Variants in AKT3 observed in about 807,000 individuals in gnomAD.
The protein encoded by AKT3 is AKT serine/threonine kinase 3, also known as RAC-gamma serine/threonine-protein kinase.
Under a neutral mutation model 65.3 loss-of-function variants are expected in AKT3, and 15 were observed. The ratio of observed to expected loss-of-function variants is 0.23; its 90% CI spans 0.15 to 0.35. The LOEUF is 0.35. Ranked by LOEUF, AKT3 falls within the 10% of genes least tolerant of loss-of-function variation. The probability of loss-of-function intolerance (pLI) is 1.00; values close to 1 mark genes in which losing one functional copy is unlikely to be tolerated. For synonymous variants in AKT3, 206 were observed against 183.8 expected, an observed-to-expected ratio of 1.12 and a Z score of -0.98; for missense variants, 243 against 576.5, an observed-to-expected ratio of 0.42 and a Z score of 5.92.
intron 2 of AKT3, among the ~76,000 whole-genome samples, chr1:243,775,476 G>A (rs953169976): frequency 1.3e-5 from 2 of 152,116 alleles, no homozygotes; most frequent in Non-Finnish European, 2.9e-5. Flanking sequence ...CACTGCGCCC[G>A]GCCAGTTCTA....
chr1:243,780,973 GT>G (rs1438946424), intron 2 of AKT3, among the ~76,000 whole-genome samples: 1 of 151,926 alleles, frequency 6.6e-6, no homozygotes, highest in Non-Finnish European at 1.5e-5. Context: ...CACCAAAAAT[GT>G]TTTAAATTTG....
At chr1:243,701,523 T>G (rs951439680) in intron 2 of AKT3, among the ~76,000 whole-genome samples, 15 of 152,084 alleles carry the variant, frequency 9.9e-5, no homozygotes, top group Non-Finnish European at 2.2e-4. Context: ...ACAATCCAAT[T>G]GAAAAGAAAT....
intron 2 of AKT3, among the ~76,000 whole-genome samples, chr1:243,759,550 G>GAA (rs201086316): frequency 6.9e-6 from 1 of 145,426 alleles, no homozygotes; most frequent in Non-Finnish European, 1.5e-5. Context: ...GAATTAAAAA[G>GAA]AAAAAAAAAA....
intron 2 of AKT3, among the ~76,000 whole-genome samples, chr1:243,713,186 A>T (rs992905910): frequency 6.6e-6 from 1 of 152,204 alleles, no homozygotes; most frequent in Non-Finnish European, 1.5e-5. Flanking sequence ...CACCTGACTG[A>T]TTCCTTCATC....
intron 4 of AKT3, among the ~76,000 whole-genome samples, chr1:243,660,510 A>G (rs924426465): frequency 2.2e-4 from 33 of 152,246 alleles, no homozygotes; most frequent in African/African-American, 6.7e-4. Flanking sequence ...AAATTCAACA[A>G]CCCTTCATGC....
intron 2 of AKT3, among the ~76,000 whole-genome samples, chr1:243,743,712 T>C (rs1201674808): frequency 6.6e-6 from 1 of 152,176 alleles, no homozygotes; most frequent in Non-Finnish European, 1.5e-5. Context: ...ATCAGGGGAA[T>C]ACAAATTAAA....
At chr1:243,493,230 G>C (rs1366735857) in intron 13 of AKT3, among the ~76,000 whole-genome samples, 3 of 144,460 alleles carry the variant, frequency 2.1e-5, no homozygotes, top group African/African-American at 7.5e-5. Context: ...TGGTGGGGGT[G>C]GGGGGAGGGG....
At chr1:243,698,932 A>T (rs1685239013) in intron 2 of AKT3, among the ~76,000 whole-genome samples, 1 of 151,794 alleles carries the variant, frequency 6.6e-6, no homozygotes, top group South Asian at 2.1e-4. Flanking sequence ...AAAAAAAGAC[A>T]ACTTAATAGA....
intron 2 of AKT3, among the ~76,000 whole-genome samples, chr1:243,810,031 CAG>C (rs1261210249): frequency 1.4e-4 from 21 of 152,300 alleles, no homozygotes; most frequent in African/African-American, 5.1e-4. Context: ...ACATTCAAAG[CAG>C]CGTGTAGAGG....
At chr1:243,827,467 T>G (rs972077733) in intron 2 of AKT3, among the ~76,000 whole-genome samples, 1 of 152,192 alleles carries the variant, frequency 6.6e-6, no homozygotes. Context: ...ATTTTCATTT[T>G]TAGCTTTTCT....
intron 5 of AKT3, among the ~76,000 whole-genome samples, chr1:243,640,412 GGGCTAACCCTGTATCTTGCTTTGA>G (rs1680286774): frequency 6.6e-6 from 1 of 151,894 alleles, no homozygotes. Flanking sequence ...CTCTCTCCCC[GGGCTAACCCTGTATCTTGCTTTGA>G]ACACAGAATA....
intron 13 of AKT3, among the ~76,000 whole-genome samples, chr1:243,508,611 C>T (rs1669817899): frequency 6.7e-6 from 1 of 149,972 alleles, no homozygotes; most frequent in Admixed American, 6.6e-5. Context: ...GGCCCAGGAG[C>T]AGGGCAGGAC....
chr1:243,502,726 G>A lies in AKT3; in HGVS notation c.*2523C>T, dbSNP rs982594989. ...AGAAGACACCTTGTGTGACACCAATGGAGTCTCAGAGGGTGGAATAGAAGT... is the reference window on the plus strand; with the variant it reads ...AGAAGACACCTTGTGTGACACCAATAGAGTCTCAGAGGGTGGAATAGAAGT... On this transcript the variant is annotated 3_prime_UTR_variant, in exon 14 of 14. Transcript: ENST00000673466. The A allele has an allele frequency of 4.3e-6, 1 of 233,182 alleles. No homozygotes were observed. Among genetic ancestry groups the A allele is most frequent in the African/African-American group, 2.2e-5 (1 of 45,352 alleles). The allele number at this position is 233,182 out of a possible 1,614,324, so 14.4% of individuals were successfully genotyped here.
chr1:243,492,808 C>T lies in AKT3; in HGVS notation c.*7-4358G>A, dbSNP rs141632962. Among the ~76,000 whole-genome samples the T allele has an allele frequency of 4.0e-4, 59 of 148,116 alleles. 1 individual carries two copies. The highest frequency in any genetic ancestry group is 3.5e-3 in the East Asian group (17 of 4,886). ...TTTTAGTAGAGACTGGGTTTCTCCA[C>T]GTAGGCCAGGCTGGTCTCGAACTCC... On this transcript the variant is annotated intron_variant, in intron 13 of 13. Transcript: ENST00000336199.
chr1:243,625,973 A>C (rs1292460228), intron 6 of AKT3, among the ~76,000 whole-genome samples: 1 of 152,186 alleles, frequency 6.6e-6, no homozygotes, highest in Non-Finnish European at 1.5e-5. Flanking sequence ...CCTCCTTTAA[A>C]TGCCAAGTGG....
In AKT3 at chr1:243,505,136, C is replaced by T. The variant is rs1574497113; in HGVS notation, c.*113G>A. ...CGAGGGGTGAGGACCCTTGGCTGGTCTGGGATGTCGGAAGGTGCCCCTGCT... is the reference window on the plus strand; with the variant it reads ...CGAGGGGTGAGGACCCTTGGCTGGTTTGGGATGTCGGAAGGTGCCCCTGCT... On this transcript the variant is annotated 3_prime_UTR_variant, in exon 14 of 14. Coordinates refer to ENST00000673466, the MANE Select transcript of AKT3 (RefSeq NM_005465.7). 1.1e-6 allele frequency: 1 copy of T among 943,420 alleles called. No homozygotes were observed. The highest frequency in any genetic ancestry group is 1.7e-6 in the Non-Finnish European group (1 of 605,094). 58.4% of individuals were successfully genotyped at this position (943,420 alleles called of 1,614,324 possible). A position where few individuals can be genotyped will look rare whatever the true frequency, so the allele number is the denominator to read the frequency against.
At chr1:243,783,932 A>G (rs1184407239) in intron 2 of AKT3, among the ~76,000 whole-genome samples, 1 of 152,188 alleles carries the variant, frequency 6.6e-6, no homozygotes, top group African/African-American at 2.4e-5. Flanking sequence ...CATCCAAAAA[A>G]TACCTGTTGA....
Position 243,504,636 on chromosome 1 carries a change from TTATATA to T in AKT3, c.*607_*612del, listed in dbSNP as rs139770173. ...CCACCAGGAATTTAAAAAAAAAAAA[TTATATA>T]TATATATATATATCCCAACAGTTGT... On this transcript the variant is annotated 3_prime_UTR_variant, in exon 14 of 14. Transcript: ENST00000673466. The T allele has an allele frequency of 2.4e-5, 4 of 164,310 alleles. No homozygotes were observed. Among genetic ancestry groups the T allele is most frequent in the South Asian group, 2.1e-4 (1 of 4,792 alleles). 10.2% of individuals were successfully genotyped at this position (164,310 alleles called of 1,614,324 possible). A position where few individuals can be genotyped will look rare whatever the true frequency, so the allele number is the denominator to read the frequency against.
chr1:243,722,506 C>G (rs1166311660), intron 2 of AKT3, among the ~76,000 whole-genome samples: 3 of 152,138 alleles, frequency 2.0e-5, no homozygotes, highest in African/African-American at 4.8e-5. Flanking sequence ...CACATAACTT[C>G]ACCATTTCTA....
Sources: allele counts gnomAD v4.1 joint callset (sites outside exome capture counted in the v4.1 genomes callset), GRCh38; gene constraint gnomAD v4.1.1; transcripts MANE v1.5; gene names NCBI Gene and HGNC (gene_info 2026-07-23, HGNC 2026-07-21).